GABBR2: variants seen among roughly 807,000 people sequenced by gnomAD.
GABBR2 encodes gamma-aminobutyric acid type B receptor subunit 2.
In GABBR2, 23 loss-of-function variants were observed where a neutral mutation model predicts 105.6. That is an observed-to-expected ratio of 0.22 (90% CI 0.16 to 0.31). GABBR2 has a LOEUF of 0.31. GABBR2 is among the 10% of genes least tolerant of loss of function. GABBR2 has a pLI of 1.00. For missense variants in GABBR2, 734 were observed against 1,245.5 expected, an observed-to-expected ratio of 0.59 and a Z score of 6.18; for synonymous variants, 478 against 499.7, an observed-to-expected ratio of 0.96 and a Z score of 0.58.
At position 98,578,055 on chromosome 9, in the gene GABBR2, C is replaced by G. The variant is rs766579887; in HGVS notation, c.339G>C (p.Gly113=). Residue 113 remains glycine (G), a synonymous_variant, in exon 2 of 19, where the codon GGG becomes GGC. Coordinates refer to ENST00000259455, the MANE Select transcript of GABBR2 (RefSeq NM_005458.8). ...LYDTECDNAK[G]LKAFYDAIKY... Reference sequence around the variant, plus strand: ...TTATTGCATCGTAGAAGGCTTTCAACCCTTTTGCGTTGTCGCACTGGGAAG... The same window carrying G: ...TTATTGCATCGTAGAAGGCTTTCAAGCCTTTTGCGTTGTCGCACTGGGAAG... 6 of 1,613,744 alleles carry G rather than the reference C, an allele frequency of 3.7e-6. No homozygotes were observed. The highest frequency in any genetic ancestry group is 5.1e-6 in the Non-Finnish European group (6 of 1,179,916).
chr9:98,594,332 G>A (rs1004917150), intron 1 of GABBR2, among the ~76,000 whole-genome samples: 31 of 152,184 alleles, frequency 2.0e-4, no homozygotes, highest in African/African-American at 7.5e-4. Context: ...AGCCCATCAC[G>A]ACACTGCCTG....
rs565660330 is a variant in GABBR2, at chr9:98,550,276, C to T, written c.460-8233G>A. Among the ~76,000 whole-genome samples the T allele has an allele frequency of 9.9e-5, 15 of 152,100 alleles. No individual in the cohort carries two copies. In the South Asian group the frequency reaches 1.0e-3, roughly 11 times the overall value. On this transcript the variant is annotated intron_variant, in intron 2 of 18. Transcript: ENST00000259455. ...ACTTGCCCAACAAAGCAAATTGGGG[C>T]GAAAGCACAAAAGCTTTCATGCCCA...
At chr9:98,630,515 T>C (rs982120955) in intron 1 of GABBR2, among the ~76,000 whole-genome samples, 1 of 152,218 alleles carries the variant, frequency 6.6e-6, no homozygotes, top group African/African-American at 2.4e-5. Context: ...CCCAAAGACC[T>C]ACTGAGGCAG....
At chr9:98,528,741 A>C (rs1279831281) in intron 3 of GABBR2, among the ~76,000 whole-genome samples, 1 of 152,242 alleles carries the variant, frequency 6.6e-6, no homozygotes, top group African/African-American at 2.4e-5. Flanking sequence ...AATGAAAAAA[A>C]TGCAAATTAA....
intron 13 of GABBR2, among the ~76,000 whole-genome samples, chr9:98,349,351 T>G (rs1390018445): frequency 9.3e-5 from 1 of 10,730 alleles, no homozygotes; most frequent in African/African-American, 2.6e-4. Context: ...GAAGTTTTGT[T>G]TTTTTTTTTT....
At chr9:98,414,541 AG>A (rs950963513) in intron 7 of GABBR2, among the ~76,000 whole-genome samples, 1 of 152,214 alleles carries the variant, frequency 6.6e-6, no homozygotes, top group Admixed American at 6.5e-5. Context: ...GGTTTTAATG[AG>A]GGGGTGACTT....
intron 1 of GABBR2, among the ~76,000 whole-genome samples, chr9:98,700,046 G>A (rs917409724): frequency 5.3e-5 from 8 of 152,186 alleles, no homozygotes; most frequent in Non-Finnish European, 1.2e-4. Flanking sequence ...TGGAGAAGGG[G>A]AATGCCTTCC....
rs536123611 is a variant in GABBR2 at position 98,698,264 on chromosome 9, G to T, written c.321+10153C>A. On this transcript the variant is annotated intron_variant, in intron 1 of 18. Transcript: ENST00000259455. ...GCAGCTGTGGAACACGGGCATTGAT[G>T]AAGACAGATGAGTCCACGCACTCAA... is the stretch of plus-strand genomic sequence containing the variant. Among the ~76,000 whole-genome samples, 8 of 152,284 alleles carry T rather than the reference G, an allele frequency of 5.3e-5. No individual in the cohort carries two copies. The East Asian group carries it at 1.4e-3, about 26-fold the overall frequency.
At chr9:98,575,038 TAAG>T (rs1175099618) in intron 2 of GABBR2, among the ~76,000 whole-genome samples, 1 of 152,086 alleles carries the variant, frequency 6.6e-6, no homozygotes, top group Non-Finnish European at 1.5e-5. Flanking sequence ...GTTCTGTCCT[TAAG>T]AAGCTCACAG....
intron 3 of GABBR2, among the ~76,000 whole-genome samples, chr9:98,515,014 C>A (rs1827730136): frequency 6.6e-6 from 1 of 152,104 alleles, no homozygotes; most frequent in Non-Finnish European, 1.5e-5. Flanking sequence ...GGGAGGCCAC[C>A]AGGAAGTAGA....
intron 4 of GABBR2, among the ~76,000 whole-genome samples, chr9:98,494,303 T>C (rs1049862656): frequency 6.6e-6 from 1 of 151,798 alleles, no homozygotes; most frequent in African/African-American, 2.4e-5. Context: ...CAAGTGGGAG[T>C]TGGAGGAACA....
chr9:98,363,725 A>AT (rs1336378116), intron 12 of GABBR2, among the ~76,000 whole-genome samples: 3 of 152,214 alleles, frequency 2.0e-5, no homozygotes, highest in African/African-American at 4.8e-5. Flanking sequence ...ATGAAAGAAT[A>AT]TAAAAAGAAG....
chr9:98,483,569 A>C (rs1052663212), intron 4 of GABBR2, among the ~76,000 whole-genome samples: 2 of 152,198 alleles, frequency 1.3e-5, no homozygotes, highest in African/African-American at 4.8e-5. Flanking sequence ...ATTCTCTATC[A>C]CATTTCTCAT....
chr9:98,388,440 G>T lies in GABBR2; in HGVS notation c.1529+414C>A, dbSNP rs1832115508. Reference sequence around the variant, plus strand: ...TCAGTGGTGATTCCCAGCGATGCTAGGGGATAGGGGCAAAGAAGTTTGGGG... The same window carrying T: ...TCAGTGGTGATTCCCAGCGATGCTATGGGATAGGGGCAAAGAAGTTTGGGG... On this transcript the variant is annotated intron_variant, in intron 10 of 18. Coordinates refer to ENST00000259455, the MANE Select transcript of GABBR2 (RefSeq NM_005458.8). The surrounding 1 kb of genome is among the most constrained non-coding windows in gnomAD (Gnocchi z 4.4). 6.6e-6 allele frequency among the ~76,000 whole-genome samples: 1 copy of T among 152,164 alleles called. No individual in the cohort carries two copies. The highest frequency in any genetic ancestry group is 2.1e-4 in the South Asian group (1 of 4,820).
intron 1 of GABBR2, among the ~76,000 whole-genome samples, chr9:98,618,505 TC>T (rs1829621338): frequency 6.6e-6 from 1 of 151,600 alleles, no homozygotes; most frequent in Non-Finnish European, 1.5e-5. Context: ...TCTCTCTCTC[TC>T]TCTCTCTCTC....
chr9:98,680,483 AT>A (rs530334002), intron 1 of GABBR2, among the ~76,000 whole-genome samples: 1 of 151,558 alleles, frequency 6.6e-6, no homozygotes, highest in Non-Finnish European at 1.5e-5. Flanking sequence ...TTTTCTTTGT[AT>A]TTTTTTAGTA....
intron 1 of GABBR2, among the ~76,000 whole-genome samples, chr9:98,617,498 T>C (rs2778913): frequency 0.82 from 124,565 of 152,156 alleles, 51,470 homozygotes; most frequent in Middle Eastern, 0.9. Context: ...CATTTTTGTG[T>C]TTGTTGGAAT....
intron 1 of GABBR2, among the ~76,000 whole-genome samples, chr9:98,624,040 C>T (rs191098969): frequency 1.4e-3 from 220 of 152,310 alleles, no homozygotes; most frequent in African/African-American, 5.1e-3. Context: ...CCAAGCCCTC[C>T]GTCTGTCCTG....
intron 1 of GABBR2, among the ~76,000 whole-genome samples, chr9:98,599,404 C>T (rs1364590638): frequency 6.6e-6 from 1 of 152,232 alleles, no homozygotes. Context: ...GGCCTCACTC[C>T]ATCACCTTGG....
Sources: gnomAD v4.1 joint callset for allele counts (sites outside exome capture counted in the v4.1 genomes callset) on GRCh38, gnomAD v4.1.1 for gene constraint, Gnocchi (gnomAD v3.1) non-coding constraint, MANE v1.5 for transcripts, NCBI Gene and HGNC (gene_info 2026-07-23, HGNC 2026-07-21) for gene names.